Variants in STAC observed in about 807,000 individuals in gnomAD.
The protein encoded by STAC is SH3 and cysteine-rich domain-containing protein.
A neutral mutation model predicts 48.8 loss-of-function variants in STAC; 43 were observed. The observed-to-expected ratio is 0.88, with a 90% confidence interval of 0.69 to 1.14. STAC has a LOEUF of 1.14. Among genes scored for constraint, STAC ranks in the 50% most tolerant of loss-of-function variants. The pLI is 0.00. For missense variants in STAC, 497 were observed against 504.0 expected (o/e 0.99, Z 0.13); for synonymous variants, 193 against 179.5 (o/e 1.07, Z -0.60).
chr3:36,445,474 G>A (rs1696482039), intron 2 of STAC, among the ~76,000 whole-genome samples: 1 of 152,158 alleles, frequency 6.6e-6, no homozygotes, highest in Non-Finnish European at 1.5e-5. Flanking sequence ...AGAAGGGAAG[G>A]GGAGAGAAAG....
At chr3:36,461,178 A>T (rs1466095454) in intron 2 of STAC, among the ~76,000 whole-genome samples, 1 of 152,196 alleles carries the variant, frequency 6.6e-6, no homozygotes, top group Non-Finnish European at 1.5e-5. Context: ...GAATCATTTT[A>T]TGAAGTTCCC....
chr3:36,398,523 G>A (rs139007715), intron 1 of STAC, among the ~76,000 whole-genome samples: 11,892 of 63,926 alleles, frequency 0.19, 1,860 homozygotes, highest in Admixed American at 0.22. Flanking sequence ...AAGAAAGAGA[G>A]AGAAAGAAAG....
At chr3:36,500,797 T>A (rs1698264705) in intron 6 of STAC, among the ~76,000 whole-genome samples, 1 of 152,118 alleles carries the variant, frequency 6.6e-6, no homozygotes. Context: ...ACTTCTAAAA[T>A]TTTTATAGCT....
chr3:36,416,024 T>A (rs915049272), intron 1 of STAC, among the ~76,000 whole-genome samples: 9 of 152,238 alleles, frequency 5.9e-5, no homozygotes, highest in African/African-American at 2.2e-4. Context: ...GGGCTATTAC[T>A]CTCTTTGCTC....
At chr3:36,487,067 A>G (rs1284576277) in intron 5 of STAC, among the ~76,000 whole-genome samples, 1 of 152,208 alleles carries the variant, frequency 6.6e-6, no homozygotes, top group Non-Finnish European at 1.5e-5. Context: ...GGTCTGCCCC[A>G]CTGAGTCCTC....
chr3:36,483,691 G>A (rs936036562), intron 3 of STAC, among the ~76,000 whole-genome samples: 26 of 152,140 alleles, frequency 1.7e-4, no homozygotes, highest in African/African-American at 6.3e-4. Flanking sequence ...AATGGCTCAC[G>A]CCTATAATCC....
At chr3:36,381,529 A>T (rs1699509422) in intron 1 of STAC, among the ~76,000 whole-genome samples, 1 of 152,214 alleles carries the variant, frequency 6.6e-6, no homozygotes, top group South Asian at 2.1e-4. Context: ...TGGAGTTTGT[A>T]GTTATGTGGA....
rs973303868 is a variant in STAC at position 36,477,208 on chromosome 3, T to C, written c.389-5784T>C. Among the ~76,000 whole-genome samples, 7 of 152,350 alleles carry C rather than the reference T, an allele frequency of 4.6e-5. No homozygotes were observed. In the South Asian group the frequency reaches 8.3e-4, roughly 18 times the overall value. On this transcript the variant is annotated intron_variant, in intron 2 of 10. Transcript: ENST00000273183. ...CTTGTGTAATCTGGAAGCAGACTAA[T>C]TATTAACAAGAATTTTAACTGTTGT...
At chr3:36,416,181 G>T (rs917431008) in intron 1 of STAC, among the ~76,000 whole-genome samples, 3 of 152,142 alleles carry the variant, frequency 2.0e-5, no homozygotes, top group African/African-American at 4.8e-5. Flanking sequence ...TACTAAAAAT[G>T]TTAGTCAGGC....
chr3:36,499,447 G>A (rs1251144044), intron 6 of STAC, among the ~76,000 whole-genome samples: 1 of 151,726 alleles, frequency 6.6e-6, no homozygotes, highest in Non-Finnish European at 1.5e-5. Flanking sequence ...ACTGCTAAAG[G>A]AATAAAAATA....
intron 8 of STAC, among the ~76,000 whole-genome samples, chr3:36,517,701 C>T (rs2125722895): frequency 6.6e-6 from 1 of 152,240 alleles, no homozygotes; most frequent in South Asian, 2.1e-4. Flanking sequence ...AGAATACAAA[C>T]TGGAGAACCC....
intron 8 of STAC, among the ~76,000 whole-genome samples, chr3:36,517,855 TCA>T (rs1284860454): frequency 1.3e-5 from 2 of 151,742 alleles, no homozygotes; most frequent in Non-Finnish European, 2.9e-5. Context: ...CCACACACAC[TCA>T]CAGTCACACA....
At chr3:36,455,596 A>T (rs75223282) in intron 2 of STAC, among the ~76,000 whole-genome samples, 2,132 of 152,340 alleles carry the variant, frequency 0.014, 22 homozygotes, top group Non-Finnish European at 0.021. Context: ...ATCCTGCACT[A>T]TCATTCAGCT....
chr3:36,526,186 G>C (rs149589433), intron 8 of STAC, among the ~76,000 whole-genome samples: 64 of 152,236 alleles, frequency 4.2e-4, no homozygotes, highest in African/African-American at 1.5e-3. Context: ...GGAATGCACA[G>C]GACTTCACTG....
chr3:36,405,269 C>T (rs150910027), intron 1 of STAC, among the ~76,000 whole-genome samples: 2 of 152,316 alleles, frequency 1.3e-5, no homozygotes, highest in African/African-American at 4.8e-5. Context: ...CTTGCTACCC[C>T]TGACTTACTG....
chr3:36,541,624 C>T (rs1301253272), intron 10 of STAC, among the ~76,000 whole-genome samples: 1 of 152,140 alleles, frequency 6.6e-6, no homozygotes, highest in Non-Finnish European at 1.5e-5. Flanking sequence ...GCAAGGACCT[C>T]CAAGCCATTA....
Position 36,474,231 on chromosome 3 carries a change from G to C in STAC, c.389-8761G>C, listed in dbSNP as rs574788664. Reference sequence around the variant, plus strand: ...ATGTAACCCATCACAAATGTGATGAGAATCACATTTCTCTTCCAAAGAGAC... The same window carrying C: ...ATGTAACCCATCACAAATGTGATGACAATCACATTTCTCTTCCAAAGAGAC... On this transcript the variant is annotated intron_variant, in intron 2 of 10. Transcript: ENST00000273183. 4.6e-5 allele frequency among the ~76,000 whole-genome samples: 7 copies of C among 152,204 alleles called. No individual in the cohort carries two copies. In the South Asian group the frequency reaches 1.5e-3, roughly 32 times the overall value.
intron 5 of STAC, 54 bp downstream of exon 5, chr3:36,486,303 G>A (rs1278193718): frequency 1.3e-6 from 2 of 1,517,616 alleles, no homozygotes; most frequent in African/African-American, 1.4e-5. Context: ...GGCAGAGCGG[G>A]CCTCAGGCAC....
intron 10 of STAC, among the ~76,000 whole-genome samples, chr3:36,544,167 T>G (rs749852379): frequency 6.6e-6 from 1 of 152,130 alleles, no homozygotes; most frequent in Admixed American, 6.5e-5. Context: ...CCTCCCCCTT[T>G]CAGTATTACT....
Sources: gnomAD v4.1 joint callset for allele counts (sites outside exome capture counted in the v4.1 genomes callset) on GRCh38, gnomAD v4.1.1 for gene constraint, MANE v1.5 for transcripts, NCBI Gene and HGNC (gene_info 2026-07-23, HGNC 2026-07-21) for gene names.